Variants in BBIP1 observed in about 807,000 individuals in gnomAD.
The protein encoded by BBIP1 is BBSome-interacting protein 1.
Under a neutral mutation model 8.9 loss-of-function variants are expected in BBIP1, and 6 were observed. The ratio of observed to expected loss-of-function variants is 0.67; its 90% CI spans 0.37 to 1.33. The LOEUF (loss-of-function observed/expected upper bound fraction) is 1.33. Ranked by LOEUF, BBIP1 falls within the 40% of genes most tolerant of loss-of-function variation. The pLI, the probability that BBIP1 is intolerant of heterozygous loss-of-function variation, is 0.02. For missense variants in BBIP1, 111 were observed against 109.2 expected, an observed-to-expected ratio of 1.02 and a Z score of -0.07; for synonymous variants, 32 against 33.4, an observed-to-expected ratio of 0.96 and a Z score of 0.14.
Position 110,908,792 on chromosome 10 carries a change from T to TA in BBIP1, c.38-7181dup, listed in dbSNP as rs11320285. Among the ~76,000 whole-genome samples the TA allele has an allele frequency of 1.3e-3, 187 of 142,560 alleles. 4 individuals carry two copies. In the East Asian group the frequency reaches 0.032, roughly 25 times the overall value. 93.5% of individuals were successfully genotyped at this position (142,560 alleles called of 152,430 possible). ...CATTATGGGGGAGGCAAGGAATGCT[T>TA]AAAAAAAAAAAAAAAGAGTTACGAG... On this transcript the variant is annotated intron_variant, in intron 2 of 3. Coordinates refer to ENST00000448814, the MANE Select transcript of BBIP1 (RefSeq NM_001195305.3).
chr10:110,918,016 C>T (rs1213571568), intron 2 of BBIP1, 105 bp downstream of exon 2: 3 of 959,654 alleles, frequency 3.1e-6, no homozygotes, highest in South Asian at 1.4e-5. Context: ...AAGAGTAGTT[C>T]ATTTTGGCTG....
intron 2 of BBIP1, chr10:110,910,510 T>A (rs1363351155): frequency 6.6e-6 from 1 of 152,100 alleles, no homozygotes; most frequent in Non-Finnish European, 1.5e-5. Context: ...GAAGAGACAC[T>A]AGAGGAAAGG....
chr10:110,918,273 A>C (rs1846479840), intron 1 of BBIP1, 60 bp from the exon 2 acceptor site: 1 of 849,400 alleles, frequency 1.2e-6, no homozygotes, highest in African/African-American at 1.7e-5. Context: ...CAGTATTTTC[A>C]AAAATCTTCA....
At chr10:110,916,812 A>G (rs1038306651) in intron 2 of BBIP1, among the ~76,000 whole-genome samples, 4 of 152,216 alleles carry the variant, frequency 2.6e-5, no homozygotes, top group Admixed American at 2.0e-4. Context: ...AAGGTAGTCA[A>G]TGTTGCCAAC....
upstream of BBIP1, chr10:110,919,181 G>GA (rs982652828): frequency 9.9e-5 from 16 of 162,352 alleles, no homozygotes; most frequent in East Asian, 5.1e-4. Flanking sequence ...ACTGGCGAAG[G>GA]AAAAAAATCT....
At chr10:110,900,664 C>T in intron 3 of BBIP1, 138 bp from the exon 4 acceptor site, 1 of 689,360 alleles carries the variant, frequency 1.5e-6, no homozygotes, top group Non-Finnish European at 2.3e-6. Flanking sequence ...GAGTTTTGCT[C>T]TGGAACCAGA....
Position 110,901,586 on chromosome 10 carries a change from C to T in BBIP1, c.64G>A (p.Asp22Asn). The T allele has an allele frequency of 6.5e-7, 1 of 1,535,602 alleles. No individual in the cohort carries two copies. Among genetic ancestry groups the T allele is most frequent in the South Asian group, 1.2e-5 (1 of 84,054 alleles). Residue 22 changes from aspartate to asparagine, a missense_variant, in exon 3 of 4, where the codon GAT (aspartate) becomes AAT (asparagine). By Grantham distance (23) the Asp-to-Asn change is conservative. Transcript: ENST00000448814. ...AACATTGACTTCACTTCTGCCATAT[C>T]TGAGTTGTTGGATATAGTGTTTTTT... ...SGKNTISNNS[D>N]MAEVKSMFRE... is the part of the protein sequence containing the mutation.
At chr10:110,904,264 C>G (rs1240739289) in intron 2 of BBIP1, 2 of 152,128 alleles carry the variant, frequency 1.3e-5, no homozygotes, top group Non-Finnish European at 2.9e-5. Context: ...TTTTTATCAT[C>G]TGCCAAGCAT....
intron 3 of BBIP1, 98 bp from the exon 4 acceptor site, chr10:110,900,624 T>G: frequency 1.2e-5 from 12 of 1,011,830 alleles, no homozygotes; most frequent in South Asian, 3.7e-5. Context: ...AATTAATCTC[T>G]TGTCACTGAA....
intron 2 of BBIP1, among the ~76,000 whole-genome samples, chr10:110,917,194 ATTTTTTTTTTTTTTTT>A (rs67066048): frequency 9.3e-6 from 1 of 107,972 alleles, no homozygotes; most frequent in South Asian, 3.2e-4. Context: ...CTGGATCCTG[ATTTTTTTTTTTTTTTT>A]TTTTTTTTGC....
Position 110,900,319 on chromosome 10 carries a change from G to GT in BBIP1, c.*40dup. 4.7e-6 allele frequency: 7 copies of GT among 1,485,296 alleles called. No individual in the cohort carries two copies. Among genetic ancestry groups the GT allele is most frequent in the Non-Finnish European group, 5.4e-6 (6 of 1,117,282 alleles). The allele number at this position is 1,485,296 out of a possible 1,614,324, so 92.0% of individuals were successfully genotyped here. A position where few individuals can be genotyped will look rare whatever the true frequency, so the allele number is the denominator to read the frequency against. ...CATATTTTCTAGTTATTGTTAAATA[G>GT]TAGATAAGGCAGGTTGTTCCCTAAA... On this transcript the variant is annotated 3_prime_UTR_variant, in exon 4 of 4. Transcript: ENST00000448814.
chr10:110,901,191 TAGG>T (rs1845990369), intron 3 of BBIP1: 1 of 434,230 alleles, frequency 2.3e-6, no homozygotes, highest in African/African-American at 2.0e-5. Context: ...ATCAGTAGGC[TAGG>T]GCAGGAGCCC....
At chr10:110,912,041 C>T (rs193065095) in intron 2 of BBIP1, 8 of 151,950 alleles carry the variant, frequency 5.3e-5, no homozygotes, top group East Asian at 3.9e-4. Context: ...ATGAGGTAGA[C>T]GAAAAAATAA....
At chr10:110,908,932 TATTCAGGAGGACA>T (rs1846207685) in intron 2 of BBIP1, among the ~76,000 whole-genome samples, 1 of 152,182 alleles carries the variant, frequency 6.6e-6, no homozygotes, top group Non-Finnish European at 1.5e-5. Context: ...ATCTAAAATG[TATTCAGGAGGACA>T]ATTACAGGGC....
chr10:110,911,797 C>T (rs1489053735), intron 2 of BBIP1: 2 of 152,116 alleles, frequency 1.3e-5, no homozygotes, highest in African/African-American at 4.8e-5. Flanking sequence ...CTCTATGCTA[C>T]ATCTGTAGGA....
At chr10:110,910,591 A>G (rs752939755) in intron 2 of BBIP1, 1 of 152,270 alleles carries the variant, frequency 6.6e-6, no homozygotes, top group Non-Finnish European at 1.5e-5. Context: ...GATAACAGAC[A>G]CTAAGAGGAG....
chr10:110,918,116 T>C lies in BBIP1; in HGVS notation c.37+5A>G, dbSNP rs1385110233. 4 of 1,535,420 alleles carry C rather than the reference T, an allele frequency of 2.6e-6. No individual in the cohort carries two copies. Among genetic ancestry groups the C allele is most frequent in the African/African-American group, 2.7e-5 (2 of 73,026 alleles). ...TGGCTGGATATTAACCATTTTCAAT[T>C]TTACCTGAAAGTTCTGGTCTTTTTG... On this transcript the variant is annotated splice_donor_5th_base_variant and intron_variant, in intron 2 of 3. Transcript: ENST00000448814.
At chr10:110,918,297 G>A in intron 1 of BBIP1, 84 bp from the exon 2 acceptor site, 2 of 697,720 alleles carry the variant, frequency 2.9e-6, no homozygotes, top group Non-Finnish European at 4.8e-6. Flanking sequence ...CGTTGTTTAA[G>A]AAACTGTAGA....
chr10:110,906,454 A>G (rs1433162423), intron 2 of BBIP1: 2 of 152,244 alleles, frequency 1.3e-5, no homozygotes, highest in Non-Finnish European at 2.9e-5. Context: ...GCAATTGTTG[A>G]ACATAAAAGT....
Sources: allele counts gnomAD v4.1 joint callset (sites outside exome capture counted in the v4.1 genomes callset), GRCh38; gene constraint gnomAD v4.1.1; transcripts MANE v1.5; gene names NCBI Gene and HGNC (gene_info 2026-07-23, HGNC 2026-07-21).